Variants in NPAS3 observed in about 807,000 individuals in gnomAD.
NPAS3 encodes the protein neuronal PAS domain protein 3, also known as neuronal PAS domain-containing protein 3.
Under a neutral mutation model 73.1 loss-of-function variants are expected in NPAS3, and 14 were observed. The observed-to-expected ratio is 0.19, with a 90% CI of 0.13 to 0.30. NPAS3 has a LOEUF of 0.30. Among genes scored for constraint, NPAS3 ranks in the 10% least tolerant of loss-of-function variants. NPAS3 has a pLI of 1.00. For synonymous variants in NPAS3, 620 were observed against 541.5 expected (o/e 1.14, Z -2.01); for missense variants, 1,096 against 1,250.0 (o/e 0.88, Z 1.86).
intron 8 of NPAS3, among the ~76,000 whole-genome samples, chr14:33,776,316 G>A (rs1039648390): frequency 6.6e-6 from 1 of 151,832 alleles, no homozygotes; most frequent in African/African-American, 2.4e-5. Context: ...TTAGCTACCA[G>A]CCACCTCTCC....
chr14:33,345,662 A>G (rs1235491136), intron 3 of NPAS3, among the ~76,000 whole-genome samples: 1 of 152,212 alleles, frequency 6.6e-6, no homozygotes, highest in Non-Finnish European at 1.5e-5. Flanking sequence ...AGGTGGAAGG[A>G]TACAGAATTA....
At chr14:33,113,351 T>C (rs1455907780) in intron 2 of NPAS3, among the ~76,000 whole-genome samples, 1 of 152,178 alleles carries the variant, frequency 6.6e-6, no homozygotes, top group Non-Finnish European at 1.5e-5. Flanking sequence ...CGTTGAGCAG[T>C]GGTTTGTAGT....
At chr14:33,798,306 C>G (rs1239206229) in intron 11 of NPAS3, among the ~76,000 whole-genome samples, 1 of 152,144 alleles carries the variant, frequency 6.6e-6, no homozygotes, top group Admixed American at 6.5e-5. Context: ...TAAAAATTTG[C>G]TTTTCATCCC....
At chr14:33,785,510 A>C (rs1313854104) in intron 9 of NPAS3, among the ~76,000 whole-genome samples, 2 of 152,090 alleles carry the variant, frequency 1.3e-5, no homozygotes. Context: ...AAATAAAATC[A>C]ATTCCATTAC....
At chr14:33,087,204 A>G (rs943607014) in intron 2 of NPAS3, among the ~76,000 whole-genome samples, 1 of 124,394 alleles carries the variant, frequency 8.0e-6, no homozygotes, top group African/African-American at 3.1e-5. Flanking sequence ...GTATAATAAT[A>G]TAGTATTATT....
chr14:33,784,760 T>TTTTTA (rs2063114494), intron 9 of NPAS3, among the ~76,000 whole-genome samples: 1 of 132,270 alleles, frequency 7.6e-6, no homozygotes, highest in African/African-American at 2.9e-5. Flanking sequence ...TTTTTTTTTT[T>TTTTTA]TTTTTTTGAG....
intron 1 of NPAS3, among the ~76,000 whole-genome samples, chr14:33,017,898 C>T (rs1021203710): frequency 2.6e-5 from 4 of 152,140 alleles, no homozygotes; most frequent in Non-Finnish European, 5.9e-5. Flanking sequence ...AGGAGCAATA[C>T]ATGTAAAGTT....
chr14:33,637,672 A>ATGACT (rs1283669571), intron 5 of NPAS3, among the ~76,000 whole-genome samples: 1 of 152,250 alleles, frequency 6.6e-6, no homozygotes, highest in Non-Finnish European at 1.5e-5. Flanking sequence ...CTTACAACAA[A>ATGACT]TGACTTACCT....
At chr14:33,541,131 G>A (rs1203296615) in intron 4 of NPAS3, among the ~76,000 whole-genome samples, 1 of 147,966 alleles carries the variant, frequency 6.8e-6, no homozygotes, top group African/African-American at 2.5e-5. Flanking sequence ...GTGTGTGCAT[G>A]CACACACACA....
intron 1 of NPAS3, among the ~76,000 whole-genome samples, chr14:32,995,591 G>A (rs2038534762): frequency 1.3e-5 from 2 of 152,162 alleles, no homozygotes; most frequent in Non-Finnish European, 2.9e-5. Context: ...TTAAACATGG[G>A]GGCAGGTCTT....
At chr14:33,527,217 C>T (rs1332086462) in intron 4 of NPAS3, among the ~76,000 whole-genome samples, 1 of 152,180 alleles carries the variant, frequency 6.6e-6, no homozygotes, top group Non-Finnish European at 1.5e-5. Flanking sequence ...ATACTGAGGG[C>T]ATGAGCCCTT....
chr14:33,649,937 A>T (rs140119824), intron 5 of NPAS3, among the ~76,000 whole-genome samples: 5 of 152,230 alleles, frequency 3.3e-5, no homozygotes, highest in Admixed American at 6.5e-5. Flanking sequence ...TAAAGAATAT[A>T]TTTTCTGGCA....
intron 5 of NPAS3, among the ~76,000 whole-genome samples, chr14:33,601,772 C>T (rs535925792): frequency 6.6e-6 from 1 of 152,280 alleles, no homozygotes; most frequent in East Asian, 1.9e-4. Flanking sequence ...TCATCATTAT[C>T]AATGTCTTTT....
intron 3 of NPAS3, among the ~76,000 whole-genome samples, chr14:33,306,883 A>G (rs2042775251): frequency 6.6e-6 from 1 of 152,144 alleles, no homozygotes; most frequent in South Asian, 2.1e-4. Context: ...AGGGGAGCAG[A>G]GTCTTTGTGG....
At chr14:33,311,491 G>T (rs2043001161) in intron 3 of NPAS3, among the ~76,000 whole-genome samples, 1 of 151,848 alleles carries the variant, frequency 6.6e-6, no homozygotes, top group South Asian at 2.1e-4. Flanking sequence ...GGTGCAATAG[G>T]TTTTTTTTCT....
At position 33,401,545 on chromosome 14, in the gene NPAS3, A is replaced by G. The variant is rs542540363; in HGVS notation, c.468+34277A>G. 4.5e-4 allele frequency among the ~76,000 whole-genome samples: 69 copies of G among 152,078 alleles called. 1 individual carries two copies. The highest frequency in any genetic ancestry group is 6.9e-4 in the Non-Finnish European group (47 of 68,002). On this transcript the variant is annotated intron_variant, in intron 4 of 11. Coordinates refer to ENST00000356141, the Ensembl canonical transcript of NPAS3. ...TCAGATTCCACTGGGGCCTCAGCTC[A>G]GCTGCATGCCTTTGATTGTCTTTCC...
At chr14:33,022,539 C>A (rs2039638762) in intron 1 of NPAS3, among the ~76,000 whole-genome samples, 1 of 151,960 alleles carries the variant, frequency 6.6e-6, no homozygotes. Flanking sequence ...GTGGCGGGAG[C>A]CTGTAGTCCT....
chr14:33,338,726 T>G (rs1230068115), intron 3 of NPAS3, among the ~76,000 whole-genome samples: 1 of 152,236 alleles, frequency 6.6e-6, no homozygotes, highest in African/African-American at 2.4e-5. Context: ...TAATGCATCT[T>G]AAATAAAATT....
chr14:33,087,235 ATACAATATTGTACAATATTG>A (rs747089463), intron 2 of NPAS3, among the ~76,000 whole-genome samples: 2 of 119,236 alleles, frequency 1.7e-5, no homozygotes, highest in Non-Finnish European at 3.5e-5. Context: ...AATATATATT[ATACAATATTGTACAATATTG>A]TACAATATTA....
Sources: allele counts gnomAD v4.1 joint callset (sites outside exome capture counted in the v4.1 genomes callset), GRCh38; gene constraint gnomAD v4.1.1; transcripts MANE v1.5; gene names NCBI Gene and HGNC (gene_info 2026-07-23, HGNC 2026-07-21).